ALDH1L1: variants seen among roughly 807,000 people sequenced by gnomAD.
ALDH1L1 encodes aldehyde dehydrogenase 1 family member L1.
ALDH1L1 carries 68 observed loss-of-function variants against 101.1 expected under a neutral mutation model. The observed-to-expected ratio is 0.67, with a 90% CI of 0.55 to 0.82. The LOEUF (loss-of-function observed/expected upper bound fraction) is 0.82, where lower values mean the gene tolerates loss of function less well. ALDH1L1 is among the 40% of genes least tolerant of loss of function. The pLI is 0.00. For missense variants in ALDH1L1, 1,087 were observed against 1,172.7 expected (o/e 0.93, Z 1.07); for synonymous variants, 486 against 470.8 (o/e 1.03, Z -0.42).
In ALDH1L1 at chr3:126,180,495, GGGC is replaced by G. The variant is rs2081455857; in HGVS notation, c.-46_-44del. 1 of 997,484 alleles carries G rather than the reference GGGC, an allele frequency of 1.0e-6. No homozygotes were observed. Among genetic ancestry groups the G allele is most frequent in the Non-Finnish European group, 1.2e-6 (1 of 837,126 alleles). The allele number at this position is 997,484 out of a possible 1,614,324, so 61.8% of individuals were successfully genotyped here. A position where few individuals can be genotyped will look rare whatever the true frequency, so the allele number is the denominator to read the frequency against. On this transcript the variant is annotated 5_prime_UTR_variant, in exon 1 of 23. Coordinates refer to ENST00000393434, the MANE Select transcript of ALDH1L1 (RefSeq NM_012190.4). ...ACTCACCGCGCGCAGGAGTTGGTGC[GGGC>G]GTCCCGGGCAGGTTAGACTTCTGTG...
intron 1 of ALDH1L1, among the ~76,000 whole-genome samples, chr3:126,193,138 A>G (rs959781975): frequency 6.6e-5 from 10 of 152,342 alleles, no homozygotes; most frequent in Admixed American, 5.9e-4. Flanking sequence ...GTTACAGTTC[A>G]TCCACAAGAC....
chr3:126,145,671 A>G (rs7652160), intron 9 of ALDH1L1, among the ~76,000 whole-genome samples: 34,143 of 152,172 alleles, frequency 0.22, 4,689 homozygotes, highest in African/African-American at 0.39. Context: ...TGCTGGGGCT[A>G]GGGAGAAGGA....
Position 126,137,932 on chromosome 3 carries a change from C to T in ALDH1L1, c.1105G>A (p.Asp369Asn). 6.2e-7 allele frequency: 1 copy of T among 1,614,174 alleles called. No homozygotes were observed. The highest frequency in any genetic ancestry group is 8.5e-7 in the Non-Finnish European group (1 of 1,180,012). ...TCTTCATTTTCTAACTCCAGGCCATCACACAGCTCCTTCACTTCCTCCACC... is the reference window on the plus strand; with the variant it reads ...TCTTCATTTTCTAACTCCAGGCCATTACACAGCTCCTTCACTTCCTCCACC... Reference protein sequence around the residue: ...RLVEEVKELCDGLELENEDVY... With the variant: ...RLVEEVKELCNGLELENEDVY... Residue 369 changes from aspartate to asparagine, a missense_variant, in exon 10 of 23, where the codon GAT (aspartate) becomes AAT (asparagine). Physicochemically the swap from Asp to Asn is conservative, Grantham distance 23 (BLOSUM62 1). This residue lies in a region of ALDH1L1 where 645 missense variants were observed against 637.0 expected (regional missense o/e 1.01). Coordinates refer to ENST00000393434, the MANE Select transcript of ALDH1L1 (RefSeq NM_012190.4).
chr3:126,114,737 G>C, intron 17 of ALDH1L1, 81 bp from the exon 18 acceptor site: 1 of 1,330,632 alleles, frequency 7.5e-7, no homozygotes, highest in Non-Finnish European at 1.1e-6. Flanking sequence ...AGGGACCTGG[G>C]TAGGCCCAAA....
Position 126,157,505 on chromosome 3 carries a change from G to A in ALDH1L1, c.366C>T (p.Thr122=), listed in dbSNP as rs75629481. ...RHRGASAINW[T]LIHGDKKGGF... ...CCCCTTTCTTATCTCCGTGAATGAG[G>A]GTCCTAGGAAGCAGAAGAGTGAAAC... The change falls in exon 4 of 23, where the codon ACC becomes ACT. Residue 122 remains threonine (T), a synonymous_variant. Transcript: ENST00000393434. 2 of 1,613,470 alleles carry A rather than the reference G, an allele frequency of 1.2e-6. No individual in the cohort carries two copies. The highest frequency in any genetic ancestry group is 1.7e-5 in the Admixed American group (1 of 59,984).
In ALDH1L1 at chr3:126,136,817, C is replaced by T. The variant is rs769006288; in HGVS notation, c.1291G>A (p.Val431Met). The T allele has an allele frequency of 6.2e-6, 10 of 1,606,230 alleles. No individual in the cohort carries two copies. In the East Asian group the frequency reaches 8.9e-5, roughly 14 times the overall value. The change falls in exon 11 of 23, where the codon GTG becomes ATG. Residue 431 changes from valine to methionine, a missense_variant. Val to Met is a conservative substitution (Grantham distance 21). This residue lies in a region of ALDH1L1 where 645 missense variants were observed against 637.0 expected (regional missense o/e 1.01). Transcript: ENST00000393434. ...PHQLFIGGEFVDAEGAKTSET... is the reference protein window; with the variant it reads ...PHQLFIGGEFMDAEGAKTSET... ...GAGGTCTTGGCGCCCTCGGCATCCACGAACTCCCCCCCAATGAAGAGCTGG... is the reference window on the plus strand; with the variant it reads ...GAGGTCTTGGCGCCCTCGGCATCCATGAACTCCCCCCCAATGAAGAGCTGG...
rs1224991911 is a variant in ALDH1L1 at position 126,114,882 on chromosome 3, T to C, written c.1983-226A>G. On this transcript the variant is annotated intron_variant, in intron 17 of 22. Coordinates refer to ENST00000393434, the MANE Select transcript of ALDH1L1 (RefSeq NM_012190.4). The stretch of plus-strand genomic sequence containing the variant: ...GCCTGTGCCCCACTGCCCCCTGGAC[T>C]GCCCTTCCTGCTGCCCACTCCACAC... The C allele has an allele frequency of 1.5e-4, 89 of 586,144 alleles. 1 individual carries two copies. In the Admixed American group the frequency reaches 2.0e-3, roughly 13 times the overall value. 36.3% of individuals were successfully genotyped at this position (586,144 alleles called of 1,614,324 possible). A position where few individuals can be genotyped will look rare whatever the true frequency, so the allele number is the denominator to read the frequency against.
intron 1 of ALDH1L1, among the ~76,000 whole-genome samples, chr3:126,166,291 A>T (rs1185484939): frequency 6.6e-6 from 1 of 152,194 alleles, no homozygotes; most frequent in Non-Finnish European, 1.5e-5. Flanking sequence ...TTTGTGGCAG[A>T]TAGAACAGCT....
Position 126,105,934 on chromosome 3 carries a change from A to C in ALDH1L1, c.2454-9T>G. ...GCACGGCATCCAAGTCCCTGGAGAG[A>C]AAGTCCAGGAAGAACTCCCTGAGGG... On this transcript the variant is annotated splice_polypyrimidine_tract_variant and intron_variant, in intron 21 of 22. Transcript: ENST00000393434. The C allele has an allele frequency of 1.9e-6, 3 of 1,610,772 alleles. No individual in the cohort carries two copies. Among genetic ancestry groups the C allele is most frequent in the Non-Finnish European group, 2.5e-6 (3 of 1,177,342 alleles).
chr3:126,150,341 T>C, intron 8 of ALDH1L1, 65 bp downstream of exon 8: 2 of 1,527,140 alleles, frequency 1.3e-6, no homozygotes, highest in Non-Finnish European at 1.8e-6. Flanking sequence ...GGAGTGTGAT[T>C]TGCAGAACAC....
In ALDH1L1 at chr3:126,150,525, C is replaced by T. The variant is rs2080788394; in HGVS notation, c.865G>A (p.Val289Met). Reference protein sequence around the residue: ...LFGNDDKMLLVKNIQLEDGKM... With the variant: ...LFGNDDKMLLMKNIQLEDGKM... ...CCATCCTCCAGCTGAATATTCTTCA[C>T]CAGCAGCTGCAAAAGGAAGGATTTC... Residue 289 changes from valine to methionine, a missense_variant, in exon 8 of 23, where the codon GTG becomes ATG. Physicochemically the swap from Val to Met is conservative, Grantham distance 21. Coordinates refer to ENST00000393434, the MANE Select transcript of ALDH1L1 (RefSeq NM_012190.4). The T allele has an allele frequency of 1.9e-6, 3 of 1,550,864 alleles. No homozygotes were observed. Among genetic ancestry groups the T allele is most frequent in the Non-Finnish European group, 2.6e-6 (3 of 1,146,642 alleles).
intron 1 of ALDH1L1, among the ~76,000 whole-genome samples, chr3:126,165,555 G>A (rs2081149825): frequency 6.6e-6 from 1 of 152,094 alleles, no homozygotes; most frequent in Non-Finnish European, 1.5e-5. Context: ...CTGGCCCTGA[G>A]CTTTCCTTGG....
chr3:126,108,690 G>A (rs1458416966), intron 20 of ALDH1L1, among the ~76,000 whole-genome samples: 1 of 152,232 alleles, frequency 6.6e-6, no homozygotes, highest in African/African-American at 2.4e-5. Flanking sequence ...AGCTGAAGAA[G>A]CAGGAGCTCT....
rs901264002 is a variant in ALDH1L1 at position 126,112,968 on chromosome 3, T to C, written c.2083-88A>G. The C allele has an allele frequency of 3.1e-5, 38 of 1,232,724 alleles. No homozygotes were observed. The African/African-American group carries it at 5.5e-4, about 18-fold the overall frequency. The allele number at this position is 1,232,724 out of a possible 1,614,324, so 76.4% of individuals were successfully genotyped here. On this transcript the variant is annotated intron_variant, in intron 18 of 22. Transcript: ENST00000393434. ...GCCAGGGCCCAGCCGCCTCTTCTAA[T>C]TAGGAAAGGAGGCACCCATGTGTCC...
intron 19 of ALDH1L1, among the ~76,000 whole-genome samples, chr3:126,111,637 G>A (rs953300907): frequency 6.6e-6 from 1 of 152,150 alleles, no homozygotes; most frequent in African/African-American, 2.4e-5. Flanking sequence ...TCCGGACTCT[G>A]AGCCACCTCC....
chr3:126,132,350 A>C (rs1009211417), intron 12 of ALDH1L1, among the ~76,000 whole-genome samples: 1 of 152,124 alleles, frequency 6.6e-6, no homozygotes, highest in Non-Finnish European at 1.5e-5. Flanking sequence ...CACGCACCCC[A>C]GGCCTGCTCC....
Position 126,153,456 on chromosome 3 carries a change from ATTC to A in ALDH1L1, c.843_845del (p.Asn282del). ...GCCGTGCCCTTACCATTTTGTCATC[ATTC>A]CCAAAGAGGATGAGTCCTGCTTTGG... On this transcript the variant is annotated inframe_deletion, in exon 7 of 23. Coordinates refer to ENST00000393434, the MANE Select transcript of ALDH1L1 (RefSeq NM_012190.4). 2.5e-6 allele frequency: 4 copies of A among 1,614,016 alleles called. No individual in the cohort carries two copies. Among genetic ancestry groups the A allele is most frequent in the Non-Finnish European group, 3.4e-6 (4 of 1,180,032 alleles).
chr3:126,139,012 CCCACCTCTG>C (rs1198520522), intron 9 of ALDH1L1, among the ~76,000 whole-genome samples: 1 of 152,242 alleles, frequency 6.6e-6, no homozygotes, highest in Non-Finnish European at 1.5e-5. Context: ...CCCCCCACCT[CCCACCTCTG>C]CCACAAAAAG....
At chr3:126,115,333 C>T (rs11716254) in intron 17 of ALDH1L1, 37,952 of 324,982 alleles carry the variant, frequency 0.12, 2,974 homozygotes, top group African/African-American at 0.27. Context: ...TAGGAGGCTC[C>T]ACTGGGGAGG....
Sources: gnomAD v4.1 joint callset for allele counts (sites outside exome capture counted in the v4.1 genomes callset) on GRCh38, gnomAD v4.1.1 for gene constraint, gnomAD v4.1.1 regional missense constraint, MANE v1.5 for transcripts, NCBI Gene and HGNC (gene_info 2026-07-23, HGNC 2026-07-21) for gene names.